Variants in SNAP23 observed in about 807,000 individuals in gnomAD.
SNAP23 encodes the protein synaptosome associated protein 23, also known as synaptosomal-associated protein 23.
SNAP23 carries 11 observed loss-of-function variants against 29.0 expected under a neutral mutation model. The ratio of observed to expected loss-of-function variants is 0.38; its 90% CI spans 0.24 to 0.63. The LOEUF (loss-of-function observed/expected upper bound fraction) is 0.63, where lower values mean the gene tolerates loss of function less well. SNAP23 is among the 20% of genes least tolerant of loss of function. SNAP23 has a pLI of 0.58. For missense variants in SNAP23, 220 were observed against 253.9 expected (o/e 0.87, Z 0.91); for synonymous variants, 60 against 82.9 (o/e 0.72, Z 1.50).
chr15:42,491,855 T>C (rs2057167873), upstream of SNAP23, among the ~76,000 whole-genome samples: 1 of 152,112 alleles, frequency 6.6e-6, no homozygotes, highest in Non-Finnish European at 1.5e-5. Flanking sequence ...GTTCTGGGAT[T>C]GCAGGTGTCA....
At chr15:42,492,429 C>T (rs2057176029), upstream of SNAP23, among the ~76,000 whole-genome samples, 1 of 151,812 alleles carries the variant, frequency 6.6e-6, no homozygotes, top group Admixed American at 6.6e-5. Flanking sequence ...CCTGTAATCC[C>T]AGCACTTTGG....
chr15:42,523,696 G>T (rs1410709207), intron 5 of SNAP23, among the ~76,000 whole-genome samples: 2 of 152,210 alleles, frequency 1.3e-5, no homozygotes, highest in African/African-American at 4.8e-5. Flanking sequence ...CAAAGAAAGG[G>T]ATGCTCTGAC....
chr15:42,494,496 G>A (rs2057199208), upstream of SNAP23, among the ~76,000 whole-genome samples: 1 of 131,352 alleles, frequency 7.6e-6, no homozygotes, highest in Admixed American at 8.9e-5. Context: ...ACCACACCCA[G>A]CTATTTTTTC....
At chr15:42,528,197 C>T (rs2057522789) in intron 5 of SNAP23, 65 bp from the exon 6 acceptor site, 2 of 1,416,030 alleles carry the variant, frequency 1.4e-6, no homozygotes, top group South Asian at 1.2e-5. Flanking sequence ...GTAACAGGCA[C>T]TAATAATTAG....
chr15:42,492,278 T>C (rs2057173811), upstream of SNAP23, among the ~76,000 whole-genome samples: 1 of 152,136 alleles, frequency 6.6e-6, no homozygotes, highest in Admixed American at 6.6e-5. Context: ...TGACTAAGAC[T>C]ATCAGATAAA....
Position 42,527,852 on chromosome 15 carries a change from C to T in SNAP23, c.267-410C>T, listed in dbSNP as rs528557619. The T allele has an allele frequency of 5.5e-5, 9 of 162,740 alleles. No individual in the cohort carries two copies. In the East Asian group the frequency reaches 1.5e-3, roughly 28 times the overall value. 10.1% of individuals were successfully genotyped at this position (162,740 alleles called of 1,614,324 possible). On this transcript the variant is annotated intron_variant, in intron 5 of 7. Coordinates refer to ENST00000249647, the MANE Select transcript of SNAP23 (RefSeq NM_003825.4). Reference sequence around the variant, plus strand: ...GCCTTCAAGGAACCTCTTAAGGTATCCCAGAACACCTTTTCTAAGGGACCT... The same window carrying T: ...GCCTTCAAGGAACCTCTTAAGGTATTCCAGAACACCTTTTCTAAGGGACCT...
rs77264869 is a variant in SNAP23 at position 42,509,409 on chromosome 15, A to T, written c.-14-2424A>T. On this transcript the variant is annotated intron_variant, in intron 1 of 7. Transcript: ENST00000249647. ...GGAACTTAAAATGCTTTTTTTCATG[A>T]GCACTAATGGCTTTAATCAAGGCTC... Among the ~76,000 whole-genome samples the T allele has an allele frequency of 8.9e-3, 1,347 of 151,514 alleles. 18 individuals are homozygous for T. Among genetic ancestry groups the T allele is most frequent in the African/African-American group, 0.031 (1,285 of 41,320 alleles).
chr15:42,492,160 C>T (rs1434513395), upstream of SNAP23, among the ~76,000 whole-genome samples: 2 of 152,000 alleles, frequency 1.3e-5, no homozygotes, highest in Non-Finnish European at 2.9e-5. Flanking sequence ...ATCCGCCCAC[C>T]TCGGCTTCCC....
chr15:42,494,173 C>T (rs1405833144), upstream of SNAP23, among the ~76,000 whole-genome samples: 1 of 152,104 alleles, frequency 6.6e-6, no homozygotes, highest in Non-Finnish European at 1.5e-5. Context: ...CCTCCTTCCT[C>T]CCTGTCAAGG....
intron 4 of SNAP23, among the ~76,000 whole-genome samples, chr15:42,513,774 C>CT (rs1011183562): frequency 8.8e-5 from 13 of 148,206 alleles, no homozygotes; most frequent in East Asian, 4.0e-4. Context: ...CTATGTTTTT[C>CT]TTTTTTTTTG....
chr15:42,524,487 T>C (rs1000487969), intron 5 of SNAP23, among the ~76,000 whole-genome samples: 2 of 152,198 alleles, frequency 1.3e-5, no homozygotes, highest in Non-Finnish European at 2.9e-5. Context: ...AGCAGTGGCA[T>C]TACATTCTCA....
At chr15:42,497,816 G>A (rs563300768) in intron 1 of SNAP23, among the ~76,000 whole-genome samples, 1 of 152,196 alleles carries the variant, frequency 6.6e-6, no homozygotes, top group Non-Finnish European at 1.5e-5. Context: ...TCAAAAGCAA[G>A]TTAGTTACTT....
At chr15:42,502,577 G>C (rs568601352) in intron 1 of SNAP23, among the ~76,000 whole-genome samples, 1 of 152,196 alleles carries the variant, frequency 6.6e-6, no homozygotes, top group Non-Finnish European at 1.5e-5. Flanking sequence ...GCTAAACTAT[G>C]TGGATGGTTT....
chr15:42,503,096 TG>T (rs1175105689), intron 1 of SNAP23, among the ~76,000 whole-genome samples: 1 of 152,192 alleles, frequency 6.6e-6, no homozygotes, highest in African/African-American at 2.4e-5. Flanking sequence ...GTTTTCTTTT[TG>T]GTTCCTGATT....
chr15:42,494,907 C>T (rs1270571692), upstream of SNAP23, among the ~76,000 whole-genome samples: 1 of 152,114 alleles, frequency 6.6e-6, no homozygotes, highest in Non-Finnish European at 1.5e-5. Context: ...TACAATAATC[C>T]TCCATCTGCT....
At chr15:42,497,018 C>T (rs2057224866) in intron 1 of SNAP23, among the ~76,000 whole-genome samples, 1 of 151,086 alleles carries the variant, frequency 6.6e-6, no homozygotes, top group Admixed American at 6.6e-5. Context: ...ATCATTCTGC[C>T]CCTGGCCCCT....
chr15:42,497,451 C>T (rs1287548467), intron 1 of SNAP23, among the ~76,000 whole-genome samples: 1 of 152,098 alleles, frequency 6.6e-6, no homozygotes, highest in African/African-American at 2.4e-5. Flanking sequence ...TCAGGTTATC[C>T]ACCGGCCTCC....
At chr15:42,502,222 C>T (rs1291876593) in intron 1 of SNAP23, among the ~76,000 whole-genome samples, 2 of 150,312 alleles carry the variant, frequency 1.3e-5, no homozygotes, top group Non-Finnish European at 3.0e-5. Context: ...GAGACGGTTT[C>T]ACCTTGTTAG....
chr15:42,527,948 G>C, intron 5 of SNAP23: 1 of 253,522 alleles, frequency 3.9e-6, no homozygotes, highest in Non-Finnish European at 7.7e-6. Flanking sequence ...AAAGCAAAAC[G>C]ATAGTGCCAG....
Sources: gnomAD v4.1 joint callset for allele counts (sites outside exome capture counted in the v4.1 genomes callset) on GRCh38, gnomAD v4.1.1 for gene constraint, MANE v1.5 for transcripts, NCBI Gene and HGNC (gene_info 2026-07-23, HGNC 2026-07-21) for gene names.